The following ATXN1 variants were observed in gnomAD, a reference collection of about 807,000 sequenced individuals.
ATXN1 encodes the protein ataxin 1.
Under a neutral mutation model 56.4 loss-of-function variants are expected in ATXN1, and 8 were observed. The ratio of observed to expected loss-of-function variants is 0.14; its 90% CI spans 0.08 to 0.26. ATXN1 has a LOEUF of 0.26. Among genes scored for constraint, ATXN1 ranks in the 10% least tolerant of loss-of-function variants. The pLI, the probability that ATXN1 is intolerant of heterozygous loss-of-function variation, is 1.00. For missense variants in ATXN1, 987 were observed against 1,106.5 expected (o/e 0.89, Z 1.53); for synonymous variants, 514 against 494.6 (o/e 1.04, Z -0.52).
chr6:16,443,297 G>A (rs1759561514), intron 6 of ATXN1, among the ~76,000 whole-genome samples: 1 of 150,130 alleles, frequency 6.7e-6, no homozygotes, highest in African/African-American at 2.5e-5. Flanking sequence ...TGGTAAAAAG[G>A]AGAAAATAAA....
At chr6:16,640,091 G>C (rs879920733) in intron 3 of ATXN1, among the ~76,000 whole-genome samples, 1 of 151,894 alleles carries the variant, frequency 6.6e-6, no homozygotes, top group East Asian at 1.9e-4. Flanking sequence ...AAGTTCTGTG[G>C]CAACCCCGTG....
intron 6 of ATXN1, among the ~76,000 whole-genome samples, chr6:16,414,288 C>T (rs770113986): frequency 6.6e-6 from 1 of 152,184 alleles, no homozygotes; most frequent in African/African-American, 2.4e-5. Context: ...GATGAGACAG[C>T]ATCGAGCCAA....
chr6:16,649,119 T>C (rs183443321), intron 3 of ATXN1, among the ~76,000 whole-genome samples: 6 of 152,206 alleles, frequency 3.9e-5, no homozygotes, highest in Admixed American at 2.6e-4. Flanking sequence ...ATGATTTTCT[T>C]TTTAGTGGTG....
At chr6:16,623,717 T>C (rs1216799921) in intron 3 of ATXN1, among the ~76,000 whole-genome samples, 3 of 152,232 alleles carry the variant, frequency 2.0e-5, no homozygotes, top group African/African-American at 7.2e-5. Flanking sequence ...ATGGCATTTT[T>C]ATAACGGGAC....
At chr6:16,731,134 G>T (rs1381131957) in intron 2 of ATXN1, among the ~76,000 whole-genome samples, 1 of 152,110 alleles carries the variant, frequency 6.6e-6, no homozygotes, top group Non-Finnish European at 1.5e-5. Flanking sequence ...AGGAGGTTTA[G>T]TAGCCTAAAA....
chr6:16,525,882 T>C (rs1407480501), intron 4 of ATXN1, among the ~76,000 whole-genome samples: 1 of 151,508 alleles, frequency 6.6e-6, no homozygotes, highest in Non-Finnish European at 1.5e-5. Flanking sequence ...AATAAAACTG[T>C]TCACTGTATA....
At chr6:16,634,624 T>A (rs951113181) in intron 3 of ATXN1, among the ~76,000 whole-genome samples, 1 of 152,208 alleles carries the variant, frequency 6.6e-6, no homozygotes, top group African/African-American at 2.4e-5. Context: ...CTAACTTCTG[T>A]CTCTATGGAT....
chr6:16,675,018 A>T (rs1758631228), intron 2 of ATXN1, among the ~76,000 whole-genome samples: 1 of 152,210 alleles, frequency 6.6e-6, no homozygotes, highest in Non-Finnish European at 1.5e-5. Flanking sequence ...CTGAAATCTT[A>T]AACAGACTGC....
At chr6:16,420,414 T>C (rs1759008068) in intron 6 of ATXN1, among the ~76,000 whole-genome samples, 1 of 152,192 alleles carries the variant, frequency 6.6e-6, no homozygotes, top group African/African-American at 2.4e-5. Context: ...CTGCAAACAT[T>C]TGCGTGTTTT....
chr6:16,472,557 G>A (rs992888396), intron 6 of ATXN1, among the ~76,000 whole-genome samples: 4 of 152,154 alleles, frequency 2.6e-5, no homozygotes, highest in Non-Finnish European at 5.9e-5. Context: ...CATTTCACAT[G>A]AGTATAAAGC....
chr6:16,657,146 G>A (rs1281080212), intron 3 of ATXN1, among the ~76,000 whole-genome samples: 1 of 151,706 alleles, frequency 6.6e-6, no homozygotes, highest in Non-Finnish European at 1.5e-5. Context: ...ACTACACCCG[G>A]CTAATTTTTT....
At chr6:16,547,923 GAC>G (rs954934066) in intron 4 of ATXN1, among the ~76,000 whole-genome samples, 6 of 152,254 alleles carry the variant, frequency 3.9e-5, no homozygotes, top group African/African-American at 1.2e-4. Flanking sequence ...TTTGGTGGGG[GAC>G]ACAGTTTAAC....
intron 6 of ATXN1, among the ~76,000 whole-genome samples, chr6:16,407,029 C>T (rs1219709218): frequency 6.6e-6 from 1 of 152,210 alleles, no homozygotes; most frequent in African/African-American, 2.4e-5. Context: ...TATTTCTTTA[C>T]AGCACCAAAG....
chr6:16,437,920 A>G (rs536165803), intron 6 of ATXN1, among the ~76,000 whole-genome samples: 112 of 152,268 alleles, frequency 7.4e-4, no homozygotes, highest in African/African-American at 2.6e-3. Context: ...CTTGGCTACT[A>G]TGGGTGTTCA....
At chr6:16,541,193 C>T (rs1381843900) in intron 4 of ATXN1, among the ~76,000 whole-genome samples, 1 of 152,198 alleles carries the variant, frequency 6.6e-6, no homozygotes, top group Non-Finnish European at 1.5e-5. Context: ...GCCTCTGGGG[C>T]TTTGCAGAAT....
At chr6:16,531,687 C>T (rs1761507873) in intron 4 of ATXN1, among the ~76,000 whole-genome samples, 1 of 151,800 alleles carries the variant, frequency 6.6e-6, no homozygotes, top group African/African-American at 2.4e-5. Context: ...TGGTAACAGC[C>T]CCAGTGGTGC....
intron 3 of ATXN1, among the ~76,000 whole-genome samples, chr6:16,599,116 A>G (rs1762868177): frequency 6.6e-6 from 1 of 152,172 alleles, no homozygotes; most frequent in African/African-American, 2.4e-5. Flanking sequence ...AACTGATCTG[A>G]CACCCAATGG....
intron 4 of ATXN1, among the ~76,000 whole-genome samples, chr6:16,539,439 G>A (rs193170400): frequency 3.3e-5 from 5 of 152,222 alleles, no homozygotes; most frequent in East Asian, 1.9e-4. Context: ...TATTATACAC[G>A]GTCATGGAAG....
At chr6:16,475,430 A>T (rs1225179130) in intron 6 of ATXN1, among the ~76,000 whole-genome samples, 2 of 152,230 alleles carry the variant, frequency 1.3e-5, no homozygotes, top group Non-Finnish European at 2.9e-5. Context: ...ATTTATCATA[A>T]CAGCATCATG....
Sources: gnomAD v4.1 joint callset for allele counts (sites outside exome capture counted in the v4.1 genomes callset) on GRCh38, gnomAD v4.1.1 for gene constraint, MANE v1.5 for transcripts, NCBI Gene and HGNC (gene_info 2026-07-23, HGNC 2026-07-21) for gene names.